GPC5: variants seen among roughly 807,000 people sequenced by gnomAD.
The protein encoded by GPC5 is glypican-5.
A neutral mutation model predicts 53.9 loss-of-function variants in GPC5; 47 were observed. The observed-to-expected ratio is 0.87, with a 90% CI of 0.69 to 1.11. The LOEUF (loss-of-function observed/expected upper bound fraction) is 1.11. Ranked by LOEUF, GPC5 falls within the 50% of genes most tolerant of loss-of-function variation. GPC5 has a pLI of 0.00. For missense variants in GPC5, 748 were observed against 713.1 expected, an observed-to-expected ratio of 1.05 and a Z score of -0.56; for synonymous variants, 286 against 263.3, an observed-to-expected ratio of 1.09 and a Z score of -0.84.
intron 7 of GPC5, among the ~76,000 whole-genome samples, chr13:92,604,374 A>G (rs1884182859): frequency 6.6e-6 from 1 of 152,226 alleles, no homozygotes; most frequent in African/African-American, 2.4e-5. Context: ...AATGTTAAAA[A>G]TATAAGGCTA....
At chr13:92,462,691 C>T (rs1178574609) in intron 7 of GPC5, among the ~76,000 whole-genome samples, 3 of 149,516 alleles carry the variant, frequency 2.0e-5, no homozygotes, top group African/African-American at 7.4e-5. Context: ...GAGAGATCTC[C>T]AAACAAATTT....
chr13:92,619,121 T>C (rs187823567), intron 7 of GPC5, among the ~76,000 whole-genome samples: 1 of 152,084 alleles, frequency 6.6e-6, no homozygotes, highest in East Asian at 1.9e-4. Flanking sequence ...CTTAAGGGGC[T>C]TCTTTTCAAA....
intron 7 of GPC5, among the ~76,000 whole-genome samples, chr13:92,399,165 T>G (rs1339018265): frequency 6.6e-6 from 1 of 152,200 alleles, no homozygotes; most frequent in Non-Finnish European, 1.5e-5. Flanking sequence ...TTTTATTGAT[T>G]TCACACGCTA....
chr13:91,642,708 A>G (rs1297522708), intron 2 of GPC5, among the ~76,000 whole-genome samples: 1 of 90,188 alleles, frequency 1.1e-5, no homozygotes, highest in African/African-American at 4.9e-5. Context: ...AAGTTTAAGG[A>G]AGAGCTTTTT....
chr13:91,642,696 T>C (rs2034459508), intron 2 of GPC5, among the ~76,000 whole-genome samples: 1 of 141,132 alleles, frequency 7.1e-6, no homozygotes, highest in African/African-American at 2.7e-5. Context: ...AGAAAGGATG[T>C]CAAGTTTAAG....
intron 5 of GPC5, among the ~76,000 whole-genome samples, chr13:91,868,066 TA>T (rs2039103392): frequency 2.0e-5 from 3 of 152,204 alleles, no homozygotes; most frequent in Admixed American, 2.0e-4. Context: ...ATTGAAATCA[TA>T]TTATTCAAGA....
chr13:91,658,191 C>A (rs1365772477), intron 2 of GPC5, among the ~76,000 whole-genome samples: 1 of 152,064 alleles, frequency 6.6e-6, no homozygotes, highest in Non-Finnish European at 1.5e-5. Context: ...ATTTAGTTCC[C>A]ACCTATCACA....
intron 2 of GPC5, among the ~76,000 whole-genome samples, chr13:91,586,010 C>A: frequency 2.0e-5 from 2 of 98,748 alleles, no homozygotes; most frequent in African/African-American, 3.7e-5. Flanking sequence ...CCCCCCACCC[C>A]CCACCCCACT....
chr13:91,461,345 G>A (rs938134656), intron 2 of GPC5, among the ~76,000 whole-genome samples: 15 of 152,064 alleles, frequency 9.9e-5, no homozygotes, highest in African/African-American at 3.6e-4. Context: ...CTTTGGTGTG[G>A]GAAACTGATT....
chr13:92,536,758 G>T (rs913772338), intron 7 of GPC5, among the ~76,000 whole-genome samples: 2 of 151,440 alleles, frequency 1.3e-5, no homozygotes, highest in Non-Finnish European at 2.9e-5. Flanking sequence ...AAAGTCTTTT[G>T]GTATAAATTT....
chr13:92,810,285 A>G (rs1282749085), intron 7 of GPC5, among the ~76,000 whole-genome samples: 1 of 151,822 alleles, frequency 6.6e-6, no homozygotes, highest in Admixed American at 6.6e-5. Flanking sequence ...AGTCCCGTAT[A>G]CATCTCTAGG....
intron 7 of GPC5, among the ~76,000 whole-genome samples, chr13:92,296,318 C>T (rs1394824302): frequency 6.6e-6 from 1 of 151,878 alleles, no homozygotes; most frequent in Non-Finnish European, 1.5e-5. Context: ...GGGTGGGGCC[C>T]TTAAACTCCC....
chr13:91,431,688 T>C (rs1018817701), intron 1 of GPC5, among the ~76,000 whole-genome samples: 1 of 152,210 alleles, frequency 6.6e-6, no homozygotes, highest in Non-Finnish European at 1.5e-5. Context: ...ATCAGAGGTG[T>C]GGGTTCACAT....
At chr13:92,501,380 A>C (rs1366159785) in intron 7 of GPC5, among the ~76,000 whole-genome samples, 1 of 152,196 alleles carries the variant, frequency 6.6e-6, no homozygotes, top group Non-Finnish European at 1.5e-5. Flanking sequence ...AAACAGATCA[A>C]TAAGAATTAT....
At chr13:91,825,941 C>T (rs76872569) in intron 5 of GPC5, among the ~76,000 whole-genome samples, 5,512 of 152,130 alleles carry the variant, frequency 0.036, 133 homozygotes, top group Middle Eastern at 0.065. Context: ...TCTGAAACAA[C>T]ATAACAACTG....
At chr13:92,293,795 T>C (rs1290714825) in intron 7 of GPC5, among the ~76,000 whole-genome samples, 8 of 152,148 alleles carry the variant, frequency 5.3e-5, no homozygotes, top group Non-Finnish European at 1.2e-4. Context: ...GGTTTCAACT[T>C]TTTCCCATTC....
At chr13:91,877,583 T>C (rs2039218080) in intron 5 of GPC5, among the ~76,000 whole-genome samples, 1 of 152,200 alleles carries the variant, frequency 6.6e-6, no homozygotes, top group African/African-American at 2.4e-5. Context: ...CCAATAACTG[T>C]ACCTCCACTG....
At chr13:92,367,253 A>T (rs529538595) in intron 7 of GPC5, among the ~76,000 whole-genome samples, 2 of 152,260 alleles carry the variant, frequency 1.3e-5, no homozygotes, top group Non-Finnish European at 2.9e-5. Context: ...CATTTATTTT[A>T]TGTTCCATGT....
intron 5 of GPC5, among the ~76,000 whole-genome samples, chr13:91,857,719 A>C (rs1220989153): frequency 1.3e-5 from 2 of 151,486 alleles, no homozygotes; most frequent in Non-Finnish European, 1.5e-5. Context: ...GAACACATTC[A>C]ATATATAGTC....
Sources: allele counts gnomAD v4.1 joint callset (sites outside exome capture counted in the v4.1 genomes callset), GRCh38; gene constraint gnomAD v4.1.1; transcripts MANE v1.5; gene names NCBI Gene and HGNC (gene_info 2026-07-23, HGNC 2026-07-21).